TAOK1: variants seen among roughly 807,000 people sequenced by gnomAD.
TAOK1 encodes the protein TAO kinase 1.
TAOK1 carries 21 observed loss-of-function variants against 138.3 expected under a neutral mutation model. That is an observed-to-expected ratio of 0.15 (90% confidence interval 0.11 to 0.22). The LOEUF (loss-of-function observed/expected upper bound fraction) is 0.22. Among genes scored for constraint, TAOK1 ranks in the 10% least tolerant of loss-of-function variants. TAOK1 has a pLI of 1.00. For missense variants in TAOK1, 651 were observed against 1,227.7 expected (o/e 0.53, Z 7.02); for synonymous variants, 361 against 398.4 (o/e 0.91, Z 1.12).
At chr17:29,496,101 A>AT (rs1018326082) in intron 11 of TAOK1, among the ~76,000 whole-genome samples, 4 of 150,916 alleles carry the variant, frequency 2.7e-5, no homozygotes, top group African/African-American at 9.7e-5. Flanking sequence ...TTATTTTTTA[A>AT]TTTTTTTGTT....
At chr17:29,437,195 C>CT (rs1280167978) in intron 1 of TAOK1, among the ~76,000 whole-genome samples, 1 of 152,076 alleles carries the variant, frequency 6.6e-6, no homozygotes, top group Admixed American at 6.6e-5. Context: ...TCCCAACTAG[C>CT]TGGGACTACA....
chr17:29,446,735 T>G (rs1185862876), intron 1 of TAOK1, among the ~76,000 whole-genome samples: 1 of 127,402 alleles, frequency 7.8e-6, no homozygotes, highest in African/African-American at 3.3e-5. Context: ...ATTTTTACTG[T>G]ACTTTTTTTT....
At chr17:29,501,704 T>C (rs894161328) in intron 12 of TAOK1, among the ~76,000 whole-genome samples, 6 of 152,172 alleles carry the variant, frequency 3.9e-5, no homozygotes, top group Non-Finnish European at 8.8e-5. Flanking sequence ...TCAAGTTATG[T>C]TAAAGCTTTT....
chr17:29,437,907 T>C (rs1306303378), intron 1 of TAOK1, among the ~76,000 whole-genome samples: 1 of 151,800 alleles, frequency 6.6e-6, no homozygotes. Flanking sequence ...TAATTTTTTG[T>C]ATTTTTATTA....
rs1345559173 is a variant in TAOK1, at chr17:29,547,209, CTTTT to C, written c.*4191_*4194del. 6.6e-6 allele frequency: 1 copy of C among 152,074 alleles called. No individual in the cohort carries two copies. Among genetic ancestry groups the C allele is most frequent in the African/African-American group, 2.4e-5 (1 of 41,424 alleles). The allele number at this position is 152,074 out of a possible 1,614,324, so 9.4% of individuals were successfully genotyped here. On this transcript the variant is annotated 3_prime_UTR_variant, in exon 20 of 20. Coordinates refer to ENST00000261716, the MANE Select transcript of TAOK1 (RefSeq NM_020791.4). Reference sequence around the variant, plus strand: ...AGTAGTGATACCATTGATCCTCTTACTTTTTTTACTCCATTAATACTAATAATTA... The same window carrying C: ...AGTAGTGATACCATTGATCCTCTTACTTTACTCCATTAATACTAATAATTA...
intron 1 of TAOK1, among the ~76,000 whole-genome samples, chr17:29,397,033 G>A (rs913430446): frequency 3.6e-5 from 4 of 111,088 alleles, no homozygotes; most frequent in Non-Finnish European, 3.4e-5. Flanking sequence ...GGTGGCTCAC[G>A]CCTGTAATCC....
intron 1 of TAOK1, among the ~76,000 whole-genome samples, chr17:29,443,586 G>A (rs1373396497): frequency 6.6e-6 from 1 of 152,120 alleles, no homozygotes; most frequent in African/African-American, 2.4e-5. Flanking sequence ...GGCTTCTCTG[G>A]TCTACTTTTG....
intron 8 of TAOK1, among the ~76,000 whole-genome samples, chr17:29,483,056 T>C (rs1013061234): frequency 1.3e-5 from 2 of 152,172 alleles, no homozygotes; most frequent in Admixed American, 6.5e-5. Flanking sequence ...TATCTTCTTA[T>C]AAGAGCATTG....
intron 1 of TAOK1, among the ~76,000 whole-genome samples, chr17:29,409,677 T>G (rs1905094253): frequency 1.3e-5 from 2 of 152,168 alleles, no homozygotes; most frequent in Non-Finnish European, 2.9e-5. Context: ...GTCTTCTAAA[T>G]TAGAAACTTT....
In TAOK1 at chr17:29,451,767, T is replaced by C. The variant is rs1049587608; in HGVS notation, c.132+87T>C. Reference sequence around the variant, plus strand: ...CAAAATATAGTAATGAAAAGAGATATAGGCCATAGTCATTTTATAGTCACT... The same window carrying C: ...CAAAATATAGTAATGAAAAGAGATACAGGCCATAGTCATTTTATAGTCACT... On this transcript the variant is annotated intron_variant, in intron 2 of 19. Coordinates refer to ENST00000261716, the MANE Select transcript of TAOK1 (RefSeq NM_020791.4). 11 of 1,453,952 alleles carry C rather than the reference T, an allele frequency of 7.6e-6. No homozygotes were observed. The East Asian group carries it at 9.2e-5, about 12-fold the overall frequency. 90.1% of individuals were successfully genotyped at this position (1,453,952 alleles called of 1,614,324 possible).
At chr17:29,460,996 G>A (rs2030517758) in intron 2 of TAOK1, among the ~76,000 whole-genome samples, 1 of 152,212 alleles carries the variant, frequency 6.6e-6, no homozygotes, top group Non-Finnish European at 1.5e-5. Flanking sequence ...ACCTCCTTAT[G>A]TAATAATTGC....
intron 16 of TAOK1, among the ~76,000 whole-genome samples, chr17:29,521,896 A>G (rs1170166581): frequency 6.6e-6 from 1 of 152,218 alleles, no homozygotes; most frequent in Non-Finnish European, 1.5e-5. Flanking sequence ...CCGTGTTCTT[A>G]ATCACTACAC....
At chr17:29,513,556 T>G (rs1024809055) in intron 15 of TAOK1, 1 of 152,206 alleles carries the variant, frequency 6.6e-6, no homozygotes, top group Non-Finnish European at 1.5e-5. Flanking sequence ...GTGTATGTAT[T>G]TGTGTTCATT....
chr17:29,418,124 C>T (rs1905313362), intron 1 of TAOK1, among the ~76,000 whole-genome samples: 1 of 152,040 alleles, frequency 6.6e-6, no homozygotes, highest in African/African-American at 2.4e-5. Flanking sequence ...TGAGCTGAAG[C>T]AATCCATCTG....
chr17:29,465,213 G>A (rs1442401107), intron 2 of TAOK1, among the ~76,000 whole-genome samples: 2 of 138,648 alleles, frequency 1.4e-5, no homozygotes, highest in Non-Finnish European at 3.0e-5. Flanking sequence ...AAGTGCAATG[G>A]CATGATCTCG....
intron 2 of TAOK1, among the ~76,000 whole-genome samples, chr17:29,460,913 G>T (rs1567724463): frequency 6.6e-6 from 1 of 152,126 alleles, no homozygotes; most frequent in Non-Finnish European, 1.5e-5. Context: ...GATAAAGGGC[G>T]CATGTGGTAG....
At chr17:29,473,464 C>T (rs575093616) in intron 3 of TAOK1, among the ~76,000 whole-genome samples, 2 of 152,022 alleles carry the variant, frequency 1.3e-5, no homozygotes, top group African/African-American at 4.8e-5. Context: ...GGTGAAACCC[C>T]GTCTCTGCTG....
chr17:29,486,022 A>C (rs924098716), intron 8 of TAOK1, among the ~76,000 whole-genome samples: 4 of 152,226 alleles, frequency 2.6e-5, no homozygotes, highest in African/African-American at 7.2e-5. Flanking sequence ...GTGGTGGCTC[A>C]TGCCTCTAAT....
intron 1 of TAOK1, among the ~76,000 whole-genome samples, chr17:29,441,081 A>G (rs1050137726): frequency 1.3e-5 from 2 of 152,162 alleles, no homozygotes; most frequent in African/African-American, 4.8e-5. Flanking sequence ...TGCTGGATTC[A>G]GGTATTTTCG....
Sources: gnomAD v4.1 joint callset for allele counts (sites outside exome capture counted in the v4.1 genomes callset) on GRCh38, gnomAD v4.1.1 for gene constraint, MANE v1.5 for transcripts, NCBI Gene and HGNC (gene_info 2026-07-23, HGNC 2026-07-21) for gene names.